LMX1B: variants seen among roughly 807,000 people sequenced by gnomAD.
The protein encoded by LMX1B is LIM homeobox transcription factor 1 beta.
In LMX1B, 12 loss-of-function variants were observed where a neutral mutation model predicts 51.4. The ratio of observed to expected loss-of-function variants is 0.23; its 90% confidence interval spans 0.15 to 0.38. LMX1B has a LOEUF of 0.38. Ranked by LOEUF, LMX1B falls within the 10% of genes least tolerant of loss-of-function variation. The probability of loss-of-function intolerance (pLI) is 1.00; values close to 1 mark genes in which losing one functional copy is unlikely to be tolerated. For missense variants in LMX1B, 445 were observed against 571.1 expected, an observed-to-expected ratio of 0.78 and a Z score of 2.25; for synonymous variants, 237 against 235.4, an observed-to-expected ratio of 1.01 and a Z score of -0.06.
At chr9:126,652,067 G>A (rs1040098916) in intron 2 of LMX1B, among the ~76,000 whole-genome samples, 1 of 151,950 alleles carries the variant, frequency 6.6e-6, no homozygotes, top group Non-Finnish European at 1.5e-5. Flanking sequence ...GACCCTTGAG[G>A]CAGGGTCCTC....
At chr9:126,667,920 G>A (rs1836374565) in intron 2 of LMX1B, among the ~76,000 whole-genome samples, 1 of 152,224 alleles carries the variant, frequency 6.6e-6, no homozygotes, top group Non-Finnish European at 1.5e-5. Flanking sequence ...GGGTCTGGAA[G>A]GTGTTGTTTG....
In LMX1B at chr9:126,696,330, C is replaced by A. The variant is rs2030332898; in HGVS notation, c.1088C>A (p.Thr363Asn). ...DSIFHDIDSD[T>N]SLTSLSDCFL... ...ATCTTCCATGACATCGACAGCGATACCTCCTTAACCAGCCTCAGCGACTGC... is the reference window on the plus strand; with the variant it reads ...ATCTTCCATGACATCGACAGCGATAACTCCTTAACCAGCCTCAGCGACTGC... The change falls in exon 8 of 8, where the codon ACC (threonine) becomes AAC (asparagine). Residue 363 changes from threonine (T) to asparagine (N), a missense_variant. Thr to Asn is a moderately conservative substitution (Grantham distance 65). Coordinates refer to ENST00000373474, the MANE Select transcript of LMX1B (RefSeq NM_001174147.2). 5 of 1,613,996 alleles carry A rather than the reference C, an allele frequency of 3.1e-6. No individual in the cohort carries two copies. The highest frequency in any genetic ancestry group is 1.3e-5 in the African/African-American group (1 of 74,924).
At chr9:126,637,725 C>T (rs999013682) in intron 2 of LMX1B, among the ~76,000 whole-genome samples, 3 of 152,052 alleles carry the variant, frequency 2.0e-5, no homozygotes, top group Non-Finnish European at 4.4e-5. Flanking sequence ...CGAGAGCCAG[C>T]CCAGGTTTCG....
chr9:126,692,636 AGT>A (rs1419000196), intron 3 of LMX1B, among the ~76,000 whole-genome samples: 1 of 152,116 alleles, frequency 6.6e-6, no homozygotes, highest in Non-Finnish European at 1.5e-5. Context: ...GCATCTTACG[AGT>A]GTGTGCGTGC....
At chr9:126,661,286 A>C in intron 2 of LMX1B, among the ~76,000 whole-genome samples, 2 of 138,734 alleles carry the variant, frequency 1.4e-5, no homozygotes, top group African/African-American at 5.0e-5. Context: ...ACGCAGGGCG[A>C]CCTCTCAGGC....
intron 2 of LMX1B, among the ~76,000 whole-genome samples, chr9:126,616,879 C>T (rs1653400086): frequency 6.6e-6 from 1 of 152,190 alleles, no homozygotes; most frequent in African/African-American, 2.4e-5. Flanking sequence ...GGGGGCTGAG[C>T]CTGAGCTGCT....
intron 2 of LMX1B, chr9:126,640,926 A>T (rs559640791): frequency 2.0e-5 from 3 of 152,390 alleles, no homozygotes; most frequent in Admixed American, 6.5e-5. Context: ...GCCATATAGC[A>T]GGACAGCTCG....
intron 2 of LMX1B, among the ~76,000 whole-genome samples, chr9:126,623,681 C>G (rs1428837876): frequency 6.6e-6 from 1 of 152,230 alleles, no homozygotes; most frequent in Non-Finnish European, 1.5e-5. Flanking sequence ...CTAATCTCCC[C>G]CAGAACGCCC....
intron 2 of LMX1B, among the ~76,000 whole-genome samples, chr9:126,666,619 G>GTACGTGCTTTACA (rs1836346370): frequency 6.6e-6 from 1 of 152,190 alleles, no homozygotes; most frequent in Non-Finnish European, 1.5e-5. Flanking sequence ...TGTGCTTTAC[G>GTACGTGCTTTACA]TACGTGCTTT....
chr9:126,670,436 A>T (rs1836428406), intron 2 of LMX1B, among the ~76,000 whole-genome samples: 1 of 152,204 alleles, frequency 6.6e-6, no homozygotes. Context: ...TGTGGCCAGT[A>T]TGTGTGCATA....
chr9:126,698,767 A>C lies in LMX1B; in HGVS notation c.*2316A>C, dbSNP rs1335666738. 1.3e-5 allele frequency: 2 copies of C among 152,396 alleles called. No homozygotes were observed. The highest frequency in any genetic ancestry group is 2.9e-5 in the Non-Finnish European group (2 of 68,240). 9.4% of individuals were successfully genotyped at this position (152,396 alleles called of 1,614,324 possible). A position where few individuals can be genotyped will look rare whatever the true frequency, so the allele number is the denominator to read the frequency against. ...CTGCCTGGATCTCTGGAATCCTCTA[A>C]GTTCAACCTGTTCTGTGGTTTTGCT... is the stretch of plus-strand genomic sequence containing the variant. On this transcript the variant is annotated 3_prime_UTR_variant, in exon 8 of 8. Coordinates refer to ENST00000373474, the MANE Select transcript of LMX1B (RefSeq NM_001174147.2).
At chr9:126,660,129 C>CTTGTGTGGGGGGTAT (rs1836210216) in intron 2 of LMX1B, among the ~76,000 whole-genome samples, 5 of 144,468 alleles carry the variant, frequency 3.5e-5, no homozygotes, top group African/African-American at 5.2e-5. Flanking sequence ...TAGAGATTGT[C>CTTGTGTGGGGGGTAT]CTGTGTGGGG....
intron 2 of LMX1B, among the ~76,000 whole-genome samples, chr9:126,638,215 A>T (rs1054998480): frequency 2.6e-5 from 4 of 152,018 alleles, no homozygotes; most frequent in Non-Finnish European, 5.9e-5. Flanking sequence ...TCCCGACAGG[A>T]ATGCTCCGGT....
chr9:126,696,750 C>A lies in LMX1B; in HGVS notation c.*299C>A. ...CACCTCGGCCTCCATCGCCTCCTCC[C>A]CATCTCTTTTTTGGGAAGCTTAAAT... On this transcript the variant is annotated 3_prime_UTR_variant, in exon 8 of 8. Transcript: ENST00000373474. The A allele has an allele frequency of 3.9e-6, 2 of 514,374 alleles. No homozygotes were observed. Among genetic ancestry groups the A allele is most frequent in the Non-Finnish European group, 7.0e-6 (2 of 285,294 alleles). 31.9% of individuals were successfully genotyped at this position (514,374 alleles called of 1,614,324 possible).
At chr9:126,630,830 T>C (rs1835619054) in intron 2 of LMX1B, among the ~76,000 whole-genome samples, 1 of 152,256 alleles carries the variant, frequency 6.6e-6, no homozygotes, top group Admixed American at 6.5e-5. Flanking sequence ...GTCCATGCCA[T>C]GGATGGGAGC....
rs570494269 is a variant in LMX1B at position 126,624,153 on chromosome 9, C to G, written c.326+8584C>G. 2.0e-5 allele frequency among the ~76,000 whole-genome samples: 3 copies of G among 152,370 alleles called. No individual in the cohort carries two copies. In the South Asian group the frequency reaches 6.2e-4, roughly 32 times the overall value. On this transcript the variant is annotated intron_variant, in intron 2 of 7. Transcript: ENST00000373474. ...TATGGAGGAATTCGATCCTGGGACGCGCTAGGCTGAAGCCCGGAGTCCAGG... is the reference window on the plus strand; with the variant it reads ...TATGGAGGAATTCGATCCTGGGACGGGCTAGGCTGAAGCCCGGAGTCCAGG...
Position 126,664,248 on chromosome 9 carries a change from G to A in LMX1B, c.327-26588G>A, listed in dbSNP as rs143130627. Among the ~76,000 whole-genome samples, 456 of 152,246 alleles carry A rather than the reference G, an allele frequency of 3.0e-3. 6 individuals are homozygous for A. Among genetic ancestry groups the A allele is most frequent in the African/African-American group, 0.01 (433 of 41,542 alleles). ...CTCCCCTCCCCCAACGCTCTGTGTC[G>A]TTTCCATGGTGGTGAGCACAAATCC... On this transcript the variant is annotated intron_variant, in intron 2 of 7. Transcript: ENST00000373474.
chr9:126,652,843 G>A (rs1476710324), intron 2 of LMX1B, among the ~76,000 whole-genome samples: 1 of 152,218 alleles, frequency 6.6e-6, no homozygotes, highest in East Asian at 1.9e-4. Context: ...GGCACAGCAG[G>A]GACAATGGGG....
At chr9:126,657,945 A>G (rs1161522400) in intron 2 of LMX1B, among the ~76,000 whole-genome samples, 2 of 152,148 alleles carry the variant, frequency 1.3e-5, no homozygotes, top group Admixed American at 1.3e-4. Context: ...TGCCTGCCTC[A>G]CTTAGCAGCA....
Sources: allele counts gnomAD v4.1 joint callset (sites outside exome capture counted in the v4.1 genomes callset), GRCh38; gene constraint gnomAD v4.1.1; transcripts MANE v1.5; gene names NCBI Gene and HGNC (gene_info 2026-07-23, HGNC 2026-07-21).